The following ZNF221 variants were observed in gnomAD, a reference collection of about 807,000 sequenced individuals.
ZNF221 encodes the protein zinc finger protein 221.
A neutral mutation model predicts 12.6 loss-of-function variants in ZNF221; 10 were observed. That is an observed-to-expected ratio of 0.79 (90% confidence interval 0.49 to 1.34). The LOEUF is 1.34. Among genes scored for constraint, ZNF221 ranks in the 40% most tolerant of loss-of-function variants. The pLI is 0.00. For synonymous variants in ZNF221, 232 were observed against 244.0 expected (o/e 0.95, Z 0.46); for missense variants, 661 against 721.4 (o/e 0.92, Z 0.96).
At chr19:43,963,949 T>C (rs1974893827) in intron 2 of ZNF221, among the ~76,000 whole-genome samples, 2 of 152,186 alleles carry the variant, frequency 1.3e-5, no homozygotes. Flanking sequence ...AGTATGAAAT[T>C]ATGTAATCAC....
chr19:43,956,221 G>T (rs147639784), intron 1 of ZNF221, among the ~76,000 whole-genome samples: 41 of 152,202 alleles, frequency 2.7e-4, no homozygotes, highest in African/African-American at 9.9e-4. Context: ...TACACTGTGC[G>T]GACTCAGGCA....
At chr19:43,960,320 A>G (rs2147337748) in intron 1 of ZNF221, 1 of 152,332 alleles carries the variant, frequency 6.6e-6, no homozygotes, top group Middle Eastern at 3.4e-3. Flanking sequence ...ATATGGGAGC[A>G]AAAAAATGAC....
chr19:43,960,861 G>A (rs1304094107), intron 1 of ZNF221, among the ~76,000 whole-genome samples: 1 of 152,250 alleles, frequency 6.6e-6, no homozygotes, highest in African/African-American at 2.4e-5. Context: ...TGGGATCCCA[G>A]TCAGAAGCCT....
chr19:43,972,011 A>C (rs1975107749), downstream of ZNF221, among the ~76,000 whole-genome samples: 1 of 152,132 alleles, frequency 6.6e-6, no homozygotes, highest in Non-Finnish European at 1.5e-5. Context: ...GGAAGTAAAC[A>C]CTCCTCAGCA....
the ZNF221 span, among the ~76,000 whole-genome samples, chr19:43,975,289 C>T: frequency 6.6e-6 from 1 of 152,096 alleles, no homozygotes; most frequent in Non-Finnish European, 1.5e-5. Flanking sequence ...AAGACATGGA[C>T]TCAGCCCAAA....
At chr19:43,980,391 A>G in the ZNF221 span, among the ~76,000 whole-genome samples, 44 of 152,360 alleles carry the variant, frequency 2.9e-4, no homozygotes, top group Non-Finnish European at 5.9e-4. Flanking sequence ...GTTCTGTATT[A>G]GGATGGACGC....
chr19:43,975,875 A>T, the ZNF221 span, among the ~76,000 whole-genome samples: 1 of 151,990 alleles, frequency 6.6e-6, no homozygotes, highest in South Asian at 2.1e-4. Flanking sequence ...CTCAAGTCGG[A>T]TTCTTATTAT....
chr19:43,979,217 C>G, the ZNF221 span, among the ~76,000 whole-genome samples: 1 of 152,090 alleles, frequency 6.6e-6, no homozygotes, highest in East Asian at 1.9e-4. Flanking sequence ...TTGCTCCTAA[C>G]AGGATTGTCC....
downstream of ZNF221, among the ~76,000 whole-genome samples, chr19:43,971,663 CAAAG>C (rs1975100045): frequency 6.9e-6 from 1 of 144,762 alleles, no homozygotes; most frequent in Non-Finnish European, 1.5e-5. Flanking sequence ...AAAAAAAAGA[CAAAG>C]CAAGGCATTA....
chr19:43,968,447 G>A (rs1051192544), downstream of ZNF221, among the ~76,000 whole-genome samples: 7 of 152,210 alleles, frequency 4.6e-5, no homozygotes, highest in African/African-American at 1.7e-4. Flanking sequence ...CACTTTGTAT[G>A]TGTGTTTGGT....
intron 1 of ZNF221, among the ~76,000 whole-genome samples, chr19:43,954,759 A>G (rs567757668): frequency 1.3e-5 from 2 of 152,202 alleles, no homozygotes; most frequent in South Asian, 2.1e-4. Flanking sequence ...AGGTATGGGG[A>G]AAAAAATTGA....
intron 1 of ZNF221, among the ~76,000 whole-genome samples, chr19:43,955,627 TTGCCAC>T (rs1974743206): frequency 6.6e-6 from 1 of 152,154 alleles, no homozygotes; most frequent in Non-Finnish European, 1.5e-5. Context: ...GCCAGGCCAT[TTGCCAC>T]TGCCCATGAG....
At chr19:43,953,467 A>G (rs1271266787) in intron 1 of ZNF221, among the ~76,000 whole-genome samples, 1 of 152,080 alleles carries the variant, frequency 6.6e-6, no homozygotes. Context: ...ACTTCATTGC[A>G]TAGACACGAT....
chr19:43,962,617 C>G, intron 1 of ZNF221, 108 bp from the exon 2 acceptor site: 1 of 1,084,204 alleles, frequency 9.2e-7, no homozygotes, highest in South Asian at 1.3e-5. Context: ...ATGAGTAATG[C>G]TGCTATGAAC....
chr19:43,967,243 C>G lies in ZNF221; in HGVS notation c.1741C>G (p.Gln581Glu). ...FGWASCLLKH[Q>E]RLHSGEKPLK... ...CTGGGCTTCATGTCTTTTGAAACATCAGAGACTCCACAGTGGAGAAAAGCC... is the reference window on the plus strand; with the variant it reads ...CTGGGCTTCATGTCTTTTGAAACATGAGAGACTCCACAGTGGAGAAAAGCC... The change falls in exon 5 of 5, where the codon CAG becomes GAG. Residue 581 changes from glutamine to glutamate, a missense_variant. Coordinates refer to ENST00000587682, the MANE Select transcript of ZNF221 (RefSeq NM_001297588.2). The G allele has an allele frequency of 1.2e-6, 2 of 1,614,098 alleles. No individual in the cohort carries two copies. Among genetic ancestry groups the G allele is most frequent in the Non-Finnish European group, 8.5e-7 (1 of 1,180,016 alleles).
At chr19:43,965,404 C>A in intron 4 of ZNF221, 79 bp downstream of exon 4, 1 of 1,312,074 alleles carries the variant, frequency 7.6e-7, no homozygotes, top group Non-Finnish European at 1.0e-6. Flanking sequence ...TTTCCATCAC[C>A]CTGGTCTAAA....
At chr19:43,973,894 A>C in the ZNF221 span, among the ~76,000 whole-genome samples, 1 of 152,204 alleles carries the variant, frequency 6.6e-6, no homozygotes, top group African/African-American at 2.4e-5. Context: ...TAGAAAAAAA[A>C]ACCTATTTTA....
intron 2 of ZNF221, 92 bp downstream of exon 2, chr19:43,962,899 C>A: frequency 8.1e-7 from 1 of 1,235,316 alleles, no homozygotes; most frequent in South Asian, 1.5e-5. Context: ...TCAAGGAGAA[C>A]AACAAGCATT....
chr19:43,952,625 G>C (rs952504460), intron 1 of ZNF221, among the ~76,000 whole-genome samples: 1 of 152,190 alleles, frequency 6.6e-6, no homozygotes, highest in South Asian at 2.1e-4. Flanking sequence ...GTGGAGCCGG[G>C]GTTGGAACCT....
Sources: allele counts gnomAD v4.1 joint callset (sites outside exome capture counted in the v4.1 genomes callset), GRCh38; gene constraint gnomAD v4.1.1; transcripts MANE v1.5; gene names NCBI Gene and HGNC (gene_info 2026-07-23, HGNC 2026-07-21).